SCFD2: variants seen among roughly 807,000 people sequenced by gnomAD.
SCFD2 encodes sec1 family domain-containing protein 2.
A neutral mutation model predicts 58.9 loss-of-function variants in SCFD2; 54 were observed. That is an observed-to-expected ratio of 0.92 (90% CI 0.74 to 1.15). The LOEUF is 1.15. SCFD2 is among the 50% of genes most tolerant of loss of function. The pLI, the probability that SCFD2 is intolerant of heterozygous loss-of-function variation, is 0.00. For synonymous variants in SCFD2, 321 were observed against 335.9 expected, an observed-to-expected ratio of 0.96 and a Z score of 0.49; for missense variants, 805 against 836.6, an observed-to-expected ratio of 0.96 and a Z score of 0.47.
intron 5 of SCFD2, among the ~76,000 whole-genome samples, chr4:53,088,439 T>C (rs1269243282): frequency 1.3e-5 from 2 of 152,210 alleles, no homozygotes; most frequent in Admixed American, 6.5e-5. Context: ...CCCACTGTAG[T>C]GGGCCTGGAA....
chr4:53,283,002 C>G (rs1457944720), intron 3 of SCFD2, among the ~76,000 whole-genome samples: 1 of 152,092 alleles, frequency 6.6e-6, no homozygotes, highest in East Asian at 1.9e-4. Flanking sequence ...CCTCAGAAGC[C>G]TCAGGGATAA....
intron 5 of SCFD2, among the ~76,000 whole-genome samples, chr4:53,011,956 G>T (rs1342804883): frequency 1.3e-5 from 2 of 151,628 alleles, no homozygotes; most frequent in Non-Finnish European, 2.9e-5. Context: ...CAAATCTGGG[G>T]ATTTTTCATT....
At chr4:53,302,698 C>T (rs911486269) in intron 3 of SCFD2, among the ~76,000 whole-genome samples, 3 of 152,202 alleles carry the variant, frequency 2.0e-5, no homozygotes, top group African/African-American at 7.2e-5. Context: ...TGACTTCGAA[C>T]TATACTACAA....
chr4:53,166,808 T>C (rs1238911220), intron 4 of SCFD2, among the ~76,000 whole-genome samples: 1 of 138,180 alleles, frequency 7.2e-6, no homozygotes, highest in Non-Finnish European at 1.5e-5. Flanking sequence ...GATCAAAAGA[T>C]GGTGTAATAT....
At chr4:53,158,467 G>A (rs193042003) in intron 4 of SCFD2, among the ~76,000 whole-genome samples, 2 of 152,164 alleles carry the variant, frequency 1.3e-5, no homozygotes, top group African/African-American at 2.4e-5. Context: ...GTACTGTTGT[G>A]TGGTACCATC....
At chr4:53,002,756 C>T (rs1330730931) in intron 5 of SCFD2, among the ~76,000 whole-genome samples, 1 of 152,164 alleles carries the variant, frequency 6.6e-6, no homozygotes, top group African/African-American at 2.4e-5. Context: ...AGTCTGTTCT[C>T]ACACTGCTAT....
At chr4:52,997,044 A>C (rs1721757595) in intron 5 of SCFD2, among the ~76,000 whole-genome samples, 1 of 152,200 alleles carries the variant, frequency 6.6e-6, no homozygotes, top group South Asian at 2.1e-4. Flanking sequence ...TTTAACCCTT[A>C]TCTTGCTTCA....
intron 3 of SCFD2, among the ~76,000 whole-genome samples, chr4:53,302,638 G>T (rs376088850): frequency 6.6e-6 from 1 of 152,104 alleles, no homozygotes; most frequent in Non-Finnish European, 1.5e-5. Context: ...AGCCTGCATT[G>T]CCAAGTCAAT....
intron 3 of SCFD2, among the ~76,000 whole-genome samples, chr4:53,296,651 G>A (rs531491378): frequency 6.6e-5 from 10 of 151,882 alleles, no homozygotes; most frequent in African/African-American, 1.7e-4. Context: ...AGTTCTGCTC[G>A]ATCTTAGTTA....
intron 8 of SCFD2, among the ~76,000 whole-genome samples, chr4:52,880,755 C>A (rs1234102767): frequency 6.6e-6 from 1 of 152,236 alleles, no homozygotes; most frequent in Non-Finnish European, 1.5e-5. Context: ...TCCCACTGGC[C>A]TTCCCCTTTT....
At chr4:53,303,435 T>A (rs1219506640) in intron 3 of SCFD2, among the ~76,000 whole-genome samples, 1 of 152,064 alleles carries the variant, frequency 6.6e-6, no homozygotes, top group Non-Finnish European at 1.5e-5. Context: ...TGGCAATCAT[T>A]AAAAAGTCAG....
intron 5 of SCFD2, among the ~76,000 whole-genome samples, chr4:53,013,158 A>G (rs1024308337): frequency 2.0e-5 from 3 of 152,232 alleles, no homozygotes; most frequent in African/African-American, 7.2e-5. Context: ...TGCTTAGAAT[A>G]GGCCATTCTT....
chr4:53,262,923 CT>C (rs1730870300), intron 4 of SCFD2, among the ~76,000 whole-genome samples: 1 of 152,144 alleles, frequency 6.6e-6, no homozygotes, highest in African/African-American at 2.4e-5. Flanking sequence ...TAGTCCCAAG[CT>C]TCCTGGAGGC....
At chr4:53,196,731 C>A (rs1184333347) in intron 4 of SCFD2, among the ~76,000 whole-genome samples, 2 of 150,592 alleles carry the variant, frequency 1.3e-5, no homozygotes, top group East Asian at 2.0e-4. Flanking sequence ...TTCGTTAAAG[C>A]AATATCCATA....
chr4:53,338,528 G>C (rs529353607), intron 2 of SCFD2, among the ~76,000 whole-genome samples: 215 of 149,870 alleles, frequency 1.4e-3, no homozygotes, highest in African/African-American at 4.9e-3. Flanking sequence ...AATGACAGCA[G>C]GTTTCTCATA....
At chr4:53,053,100 T>G (rs1723228605) in intron 5 of SCFD2, among the ~76,000 whole-genome samples, 2 of 152,040 alleles carry the variant, frequency 1.3e-5, no homozygotes, top group African/African-American at 4.8e-5. Context: ...TGGCACACGC[T>G]TGTAATCCCA....
intron 5 of SCFD2, chr4:52,948,720 C>T (rs1231904683): frequency 6.1e-6 from 2 of 326,262 alleles, no homozygotes; most frequent in Admixed American, 3.5e-5. Flanking sequence ...AACAGAAGAA[C>T]ACGCTGGATC....
intron 3 of SCFD2, among the ~76,000 whole-genome samples, chr4:53,295,216 A>G (rs1731984766): frequency 6.6e-6 from 1 of 152,226 alleles, no homozygotes; most frequent in Non-Finnish European, 1.5e-5. Context: ...CTCTGAATCT[A>G]TAAATTACTG....
chr4:53,017,297 T>C (rs1722238584), intron 5 of SCFD2, among the ~76,000 whole-genome samples: 1 of 152,132 alleles, frequency 6.6e-6, no homozygotes, highest in Non-Finnish European at 1.5e-5. Flanking sequence ...GAAATAAACG[T>C]GCGAAACATT....
Sources: gnomAD v4.1 joint callset for allele counts (sites outside exome capture counted in the v4.1 genomes callset) on GRCh38, gnomAD v4.1.1 for gene constraint, MANE v1.5 for transcripts, NCBI Gene and HGNC (gene_info 2026-07-23, HGNC 2026-07-21) for gene names.